Variants in ELMOD1 observed in about 807,000 individuals in gnomAD.
ELMOD1 encodes the protein ELMO domain containing 1, also known as ELMO domain-containing protein 1.
Under a neutral mutation model 46.7 loss-of-function variants are expected in ELMOD1, and 21 were observed. The ratio of observed to expected loss-of-function variants is 0.45; its 90% CI spans 0.32 to 0.65. The LOEUF is 0.65. Among genes scored for constraint, ELMOD1 ranks in the 30% least tolerant of loss-of-function variants. The pLI is 0.04. For missense variants in ELMOD1, 348 were observed against 407.8 expected (o/e 0.85, Z 1.26); for synonymous variants, 122 against 138.2 (o/e 0.88, Z 0.82).
chr11:107,591,825 C>T (rs1033988150), intron 1 of ELMOD1: 6 of 472,552 alleles, frequency 1.3e-5, no homozygotes, highest in Admixed American at 9.4e-5. Context: ...GAACCCCTTG[C>T]CTTGTGGGCT....
intron 1 of ELMOD1, among the ~76,000 whole-genome samples, chr11:107,598,443 A>G (rs993924288): frequency 6.6e-6 from 1 of 152,342 alleles, no homozygotes; most frequent in African/African-American, 2.4e-5. Flanking sequence ...ACCAATTCAA[A>G]TGCTTATCTC....
chr11:107,631,704 A>G (rs1467788864), intron 5 of ELMOD1, 27 bp downstream of exon 5: 1 of 1,295,700 alleles, frequency 7.7e-7, no homozygotes, highest in East Asian at 2.6e-5. Flanking sequence ...TATGTCAAAA[A>G]TACAGAACAC....
At chr11:107,642,974 T>C in intron 6 of ELMOD1, 1 of 289,944 alleles carries the variant, frequency 3.4e-6, no homozygotes, top group South Asian at 3.8e-5. Context: ...AATTTTCTTT[T>C]ATCACAAACT....
At chr11:107,600,426 A>G (rs533850677) in intron 1 of ELMOD1, 242 of 152,320 alleles carry the variant, frequency 1.6e-3, no homozygotes, top group African/African-American at 5.6e-3. Context: ...TGAAATGTGT[A>G]TGATGCTAAC....
At chr11:107,664,377 C>G (rs1190738995) in intron 11 of ELMOD1, among the ~76,000 whole-genome samples, 1 of 152,110 alleles carries the variant, frequency 6.6e-6, no homozygotes, top group Non-Finnish European at 1.5e-5. Flanking sequence ...ATATCAAATA[C>G]TTAACATTTA....
intron 1 of ELMOD1, among the ~76,000 whole-genome samples, chr11:107,609,667 A>G (rs1197083503): frequency 6.6e-6 from 1 of 152,226 alleles, no homozygotes; most frequent in Non-Finnish European, 1.5e-5. Flanking sequence ...CAGAAGTAGC[A>G]GACCACACTC....
chr11:107,653,983 A>G (rs1410834577), intron 9 of ELMOD1, 189 bp from the exon 10 acceptor site: 2 of 591,008 alleles, frequency 3.4e-6, no homozygotes, highest in Admixed American at 5.8e-5. Context: ...ATAGGAGGTA[A>G]ATAGCATGGC....
intron 6 of ELMOD1, among the ~76,000 whole-genome samples, chr11:107,645,055 T>A (rs1866400991): frequency 6.7e-6 from 1 of 150,346 alleles, no homozygotes; most frequent in African/African-American, 2.4e-5. Flanking sequence ...CCCGAATAGC[T>A]GGGACTACAG....
intron 6 of ELMOD1, among the ~76,000 whole-genome samples, chr11:107,644,607 T>C (rs999579722): frequency 2.0e-5 from 3 of 151,866 alleles, no homozygotes; most frequent in Non-Finnish European, 4.4e-5. Context: ...CCCGAGTAGC[T>C]GGGACTACAG....
intron 1 of ELMOD1, among the ~76,000 whole-genome samples, chr11:107,617,420 C>T (rs776903154): frequency 3.3e-5 from 5 of 152,230 alleles, no homozygotes; most frequent in Non-Finnish European, 2.9e-5. Flanking sequence ...GTTTTATCCC[C>T]TCTCATCCTA....
intron 9 of ELMOD1, 30 bp downstream of exon 9, chr11:107,650,938 G>A: frequency 1.8e-6 from 2 of 1,083,026 alleles, no homozygotes; most frequent in Non-Finnish European, 2.5e-6. Context: ...GTGTTTTATT[G>A]CTTTTATTTT....
chr11:107,658,180 T>C (rs1866667449), intron 11 of ELMOD1, among the ~76,000 whole-genome samples: 1 of 152,200 alleles, frequency 6.6e-6, no homozygotes, highest in African/African-American at 2.4e-5. Context: ...GCTAAAAGAA[T>C]TGAAATGTTG....
intron 7 of ELMOD1, 85 bp downstream of exon 7, chr11:107,647,686 C>T: frequency 7.2e-7 from 1 of 1,392,454 alleles, no homozygotes; most frequent in African/African-American, 1.4e-5. Context: ...TAATTAGCTT[C>T]AAAAGGTACT....
At chr11:107,643,292 G>T in intron 6 of ELMOD1, 1 of 181,064 alleles carries the variant, frequency 5.5e-6, no homozygotes, top group African/African-American at 2.4e-5. Context: ...GCTTTAACCC[G>T]GGAAGCAGAA....
Position 107,650,878 on chromosome 11 carries a change from C to T in ELMOD1, c.624-7C>T, listed in dbSNP as rs760557927. 1 of 1,104,014 alleles carries T rather than the reference C, an allele frequency of 9.1e-7. No homozygotes were observed. The allele number at this position is 1,104,014 out of a possible 1,614,324, so 68.4% of individuals were successfully genotyped here. On this transcript the variant is annotated splice_region_variant and splice_polypyrimidine_tract_variant and intron_variant, in intron 8 of 11. Transcript: ENST00000265840. ...CTTTTCTAATTTTTTTCTTTGATTA[C>T]ATGAAGGGATATCACTAAAGAAGAA... is the stretch of plus-strand genomic sequence containing the variant.
At chr11:107,647,624 A>G (rs7951251) in intron 7 of ELMOD1, 23 bp downstream of exon 7, 14 of 1,608,136 alleles carry the variant, frequency 8.7e-6, no homozygotes, top group Non-Finnish European at 1.2e-5. Flanking sequence ...AAGGACAGCT[A>G]AGTGTTCGAG....
chr11:107,593,452 G>A (rs693605), intron 1 of ELMOD1, among the ~76,000 whole-genome samples: 18,562 of 152,154 alleles, frequency 0.12, 1,400 homozygotes, highest in African/African-American at 0.22. Flanking sequence ...AAAATGTCAT[G>A]TAATAAATTA....
At chr11:107,644,537 C>G (rs1866384398) in intron 6 of ELMOD1, among the ~76,000 whole-genome samples, 1 of 152,018 alleles carries the variant, frequency 6.6e-6, no homozygotes, top group South Asian at 2.1e-4. Flanking sequence ...TGCAGTGGCA[C>G]GATCTCGGCT....
rs367775778 is a variant in ELMOD1 at position 107,630,428 on chromosome 11, A to C, written c.29A>C (p.Gln10Pro). The C allele has an allele frequency of 2.5e-6, 4 of 1,599,220 alleles. No individual in the cohort carries two copies. In the African/African-American group the frequency reaches 5.3e-5, roughly 21 times the overall value. The change falls in exon 3 of 12, where the codon CAG becomes CCG. Residue 10 changes from glutamine to proline, a missense_variant. Coordinates refer to ENST00000265840, the MANE Select transcript of ELMOD1 (RefSeq NM_018712.4). MKHFLRMLI[Q>P]VCLYFYCKFL... is the part of the protein sequence containing the mutation. ...TTTGTTTTTCACAGAATGTTGATCC[A>C]GGTATGCCTGTATTTTTACTGTAAA...
Sources: gnomAD v4.1 joint callset for allele counts (sites outside exome capture counted in the v4.1 genomes callset) on GRCh38, gnomAD v4.1.1 for gene constraint, MANE v1.5 for transcripts, NCBI Gene and HGNC (gene_info 2026-07-23, HGNC 2026-07-21) for gene names.